The following TMEM123 variants were observed in gnomAD, a reference collection of about 807,000 sequenced individuals.
TMEM123 encodes porimin.
A neutral mutation model predicts 19.7 loss-of-function variants in TMEM123; 16 were observed. The ratio of observed to expected loss-of-function variants is 0.81; its 90% CI spans 0.55 to 1.23. TMEM123 has a LOEUF of 1.23. Ranked by LOEUF, TMEM123 falls within the 50% of genes most tolerant of loss-of-function variation. The probability of loss-of-function intolerance (pLI) is 0.00; values close to 1 mark genes in which losing one functional copy is unlikely to be tolerated. For synonymous variants in TMEM123, 118 were observed against 99.4 expected (o/e 1.19, Z -1.12); for missense variants, 313 against 257.8 (o/e 1.21, Z -1.47).
intron 1 of TMEM123, 138 bp downstream of exon 1, chr11:102,452,386 C>G: frequency 2.9e-6 from 2 of 682,312 alleles, no homozygotes; most frequent in East Asian, 6.9e-5. Flanking sequence ...CCACCCCGCC[C>G]GGTCACCTCT....
At chr11:102,449,342 C>G (rs566716166) in intron 1 of TMEM123, 1 of 153,700 alleles carries the variant, frequency 6.5e-6, no homozygotes, top group South Asian at 2.0e-4. Flanking sequence ...TATTTAACTG[C>G]ACCTTCTCAG....
chr11:102,449,026 T>C (rs1363286454), intron 1 of TMEM123, 158 bp from the exon 2 acceptor site: 3 of 665,376 alleles, frequency 4.5e-6, no homozygotes, highest in Admixed American at 5.1e-5. Flanking sequence ...ATGAAACATA[T>C]CTTGAAGCTG....
At chr11:102,449,290 AC>A (rs1412496352) in intron 1 of TMEM123, 1 of 154,966 alleles carries the variant, frequency 6.5e-6, no homozygotes, top group East Asian at 1.8e-4. Flanking sequence ...CCCAACCAAC[AC>A]CCCTAATTTC....
chr11:102,441,251 GCAC>G lies in TMEM123; in HGVS notation c.157+7558_157+7560del, dbSNP rs371805196. On this transcript the variant is annotated intron_variant, in intron 2 of 4. Transcript: ENST00000398136. ...ATCAACAGAATATACATTCTTCTCA[GCAC>G]CACATCGCACTTATTGAAAACTGAC... Among the ~76,000 whole-genome samples the G allele has an allele frequency of 1.8e-4, 27 of 152,282 alleles. No homozygotes were observed. In the East Asian group the frequency reaches 3.5e-3, roughly 20 times the overall value.
chr11:102,430,256 A>C (rs1857682070), intron 2 of TMEM123, among the ~76,000 whole-genome samples: 1 of 151,936 alleles, frequency 6.6e-6, no homozygotes, highest in African/African-American at 2.4e-5. Context: ...CAAGCAAAAA[A>C]CTCAAAAACT....
chr11:102,407,962 A>G (rs1022252016), intron 2 of TMEM123, among the ~76,000 whole-genome samples: 4 of 152,244 alleles, frequency 2.6e-5, no homozygotes, highest in African/African-American at 4.8e-5. Flanking sequence ...CAACGGTACA[A>G]CTGGCACTAG....
Position 102,401,642 on chromosome 11 carries a change from C to G in TMEM123, c.499G>C (p.Gly167Arg). 6.2e-7 allele frequency: 1 copy of G among 1,607,804 alleles called. No homozygotes were observed. The highest frequency in any genetic ancestry group is 8.5e-7 in the Non-Finnish European group (1 of 1,178,584). The part of the protein sequence containing the change: ...EAKKGSKFDT[G>R]SFVGGIVLTL... ...AATACAATACCACCAACAAAGCTCC[C>G]AGTATCAAATTTTGATCCTTTCTTT... The change falls in exon 4 of 5, where the codon GGG becomes CGG. Residue 167 changes from glycine (G) to arginine (R), a missense_variant. Coordinates refer to ENST00000398136, the MANE Select transcript of TMEM123 (RefSeq NM_052932.3).
intron 2 of TMEM123, among the ~76,000 whole-genome samples, chr11:102,405,838 T>C (rs1188328731): frequency 6.6e-6 from 1 of 152,254 alleles, no homozygotes; most frequent in Non-Finnish European, 1.5e-5. Flanking sequence ...AATTTCTATG[T>C]CAATTTCTTT....
chr11:102,423,061 T>C (rs1229623800), intron 2 of TMEM123, among the ~76,000 whole-genome samples: 1 of 152,196 alleles, frequency 6.6e-6, no homozygotes, highest in Non-Finnish European at 1.5e-5. Flanking sequence ...TAGCTCAAGC[T>C]GCTAAAGGTG....
chr11:102,409,273 C>G (rs1951982042), intron 2 of TMEM123, among the ~76,000 whole-genome samples: 1 of 152,110 alleles, frequency 6.6e-6, no homozygotes, highest in African/African-American at 2.4e-5. Flanking sequence ...TTTGAGGGGT[C>G]TGTGATTCTA....
At chr11:102,407,544 A>T (rs1284681810) in intron 2 of TMEM123, among the ~76,000 whole-genome samples, 1 of 152,216 alleles carries the variant, frequency 6.6e-6, no homozygotes, top group Non-Finnish European at 1.5e-5. Flanking sequence ...TTGGAGAGAG[A>T]ATCTTTACAA....
At position 102,401,957 on chromosome 11, in the gene TMEM123, G is replaced by A. The variant is rs1254209661; in HGVS notation, c.407C>T (p.Thr136Ile). The change falls in exon 3 of 5, where the codon ACC (threonine) becomes ATC (isoleucine). Residue 136 changes from threonine to isoleucine, a missense_variant. Transcript: ENST00000398136. ...SQISTSTMTV[T>I]HNSSVTSAAS... ...AGCAGATGTCACTGAACTATTGTGGGTTACGGTCATTGTGGATGTTGATAT... is the reference window on the plus strand; with the variant it reads ...AGCAGATGTCACTGAACTATTGTGGATTACGGTCATTGTGGATGTTGATAT... 7 of 1,614,034 alleles carry A rather than the reference G, an allele frequency of 4.3e-6. No individual in the cohort carries two copies. Among genetic ancestry groups the A allele is most frequent in the Non-Finnish European group, 5.9e-6 (7 of 1,180,018 alleles).
At chr11:102,413,924 C>G (rs1328759439) in intron 2 of TMEM123, among the ~76,000 whole-genome samples, 3 of 152,188 alleles carry the variant, frequency 2.0e-5, no homozygotes, top group Non-Finnish European at 4.4e-5. Context: ...GATCAAGATT[C>G]AGGACAAAGT....
chr11:102,450,779 A>C (rs1857929707), intron 1 of TMEM123, among the ~76,000 whole-genome samples: 1 of 152,244 alleles, frequency 6.6e-6, no homozygotes, highest in Non-Finnish European at 1.5e-5. Context: ...CAATGGGATG[A>C]TTTATGGACC....
rs1309678954 is a variant in TMEM123 at position 102,398,829 on chromosome 11, G to C, written c.*38C>G. On this transcript the variant is annotated 3_prime_UTR_variant, in exon 5 of 5. Transcript: ENST00000398136. Reference sequence around the variant, plus strand: ...TAAACCAAAATTAATTGATAGGGCAGCATCAATCTGTATTCCATCCTTGGT... The same window carrying C: ...TAAACCAAAATTAATTGATAGGGCACCATCAATCTGTATTCCATCCTTGGT... 6.2e-7 allele frequency: 1 copy of C among 1,601,540 alleles called. No homozygotes were observed. Among genetic ancestry groups the C allele is most frequent in the Admixed American group, 1.7e-5 (1 of 57,896 alleles).
At chr11:102,451,230 C>T (rs1857935788) in intron 1 of TMEM123, 1 of 152,194 alleles carries the variant, frequency 6.6e-6, no homozygotes, top group Non-Finnish European at 1.5e-5. Flanking sequence ...TTCATTGAAA[C>T]AGTAAGGCTT....
At chr11:102,438,521 T>G (rs1857789224) in intron 2 of TMEM123, among the ~76,000 whole-genome samples, 1 of 152,196 alleles carries the variant, frequency 6.6e-6, no homozygotes, top group South Asian at 2.1e-4. Flanking sequence ...CAGTCCAAAC[T>G]AACAGCTGTT....
chr11:102,436,734 A>C (rs138495467), intron 2 of TMEM123, among the ~76,000 whole-genome samples: 1 of 147,454 alleles, frequency 6.8e-6, no homozygotes, highest in African/African-American at 2.4e-5. Flanking sequence ...TAAGTCATCA[A>C]TTTTAGTCTG....
At chr11:102,404,284 A>G (rs1418339912) in intron 2 of TMEM123, among the ~76,000 whole-genome samples, 2 of 151,984 alleles carry the variant, frequency 1.3e-5, no homozygotes, top group Admixed American at 1.3e-4. Flanking sequence ...ATTGATATTT[A>G]TTTATTTATT....
Sources: allele counts gnomAD v4.1 joint callset (sites outside exome capture counted in the v4.1 genomes callset), GRCh38; gene constraint gnomAD v4.1.1; transcripts MANE v1.5; gene names NCBI Gene and HGNC (gene_info 2026-07-23, HGNC 2026-07-21).